The following TMEM132D variants were observed in gnomAD, a reference collection of about 807,000 sequenced individuals.
TMEM132D encodes transmembrane protein 132D.
TMEM132D carries 21 observed loss-of-function variants against 62.3 expected under a neutral mutation model. That is an observed-to-expected ratio of 0.34 (90% CI 0.24 to 0.49). The LOEUF (loss-of-function observed/expected upper bound fraction) is 0.49. Ranked by LOEUF, TMEM132D falls within the 20% of genes least tolerant of loss-of-function variation. The pLI is 0.99. For synonymous variants in TMEM132D, 621 were observed against 575.6 expected, an observed-to-expected ratio of 1.08 and a Z score of -1.13; for missense variants, 1,346 against 1,402.8, an observed-to-expected ratio of 0.96 and a Z score of 0.65.
chr12:129,775,175 C>T (rs1024992868), intron 1 of TMEM132D, among the ~76,000 whole-genome samples: 25 of 152,204 alleles, frequency 1.6e-4, no homozygotes, highest in Admixed American at 6.5e-5. Flanking sequence ...GCTGTTCAAT[C>T]ATTAAAAGTG....
chr12:129,710,828 T>A (rs1191190312), intron 1 of TMEM132D, among the ~76,000 whole-genome samples: 31 of 152,138 alleles, frequency 2.0e-4, no homozygotes, highest in Admixed American at 2.0e-3. Context: ...CTCCTCTCAA[T>A]GTCAGTGTGT....
At chr12:129,444,297 A>T (rs1454924915) in intron 3 of TMEM132D, among the ~76,000 whole-genome samples, 1 of 152,210 alleles carries the variant, frequency 6.6e-6, no homozygotes, top group Non-Finnish European at 1.5e-5. Context: ...GCACAACAAA[A>T]GAAACTACCA....
chr12:129,682,248 C>A (rs1396012028), intron 2 of TMEM132D, among the ~76,000 whole-genome samples: 1 of 152,156 alleles, frequency 6.6e-6, no homozygotes, highest in East Asian at 1.9e-4. Flanking sequence ...TGGAATTGAT[C>A]ATGTACTGAA....
intron 1 of TMEM132D, among the ~76,000 whole-genome samples, chr12:129,817,883 G>A (rs1872404274): frequency 6.8e-6 from 1 of 146,664 alleles, no homozygotes; most frequent in Non-Finnish European, 1.5e-5. Context: ...TGTGTGTGTG[G>A]TGTGGGGGTT....
At chr12:129,654,048 T>C (rs992735707) in intron 2 of TMEM132D, among the ~76,000 whole-genome samples, 2 of 152,208 alleles carry the variant, frequency 1.3e-5, no homozygotes, top group Non-Finnish European at 2.9e-5. Context: ...TCAGTTACTT[T>C]GTAGAATGTC....
chr12:129,653,263 A>T (rs968317983), intron 2 of TMEM132D, among the ~76,000 whole-genome samples: 1 of 152,172 alleles, frequency 6.6e-6, no homozygotes, highest in Non-Finnish European at 1.5e-5. Flanking sequence ...TCTGAGAGGC[A>T]GGCAGAGATC....
intron 4 of TMEM132D, among the ~76,000 whole-genome samples, chr12:129,256,059 T>G (rs988594096): frequency 2.0e-5 from 3 of 152,160 alleles, no homozygotes; most frequent in African/African-American, 7.2e-5. Flanking sequence ...ACAAAACATG[T>G]CAGGGGCTTG....
At chr12:129,452,024 G>C (rs11614267) in intron 3 of TMEM132D, among the ~76,000 whole-genome samples, 9,372 of 152,238 alleles carry the variant, frequency 0.062, 346 homozygotes, top group Non-Finnish European at 0.093. Flanking sequence ...TCTTGAATCT[G>C]GGTTCCTGGA....
chr12:129,747,649 CCAGA>C (rs1046884148), intron 1 of TMEM132D, among the ~76,000 whole-genome samples: 3 of 149,922 alleles, frequency 2.0e-5, no homozygotes, highest in East Asian at 2.0e-4. Flanking sequence ...GATACATACA[CCAGA>C]CACAGACACA....
chr12:129,445,078 C>A (rs1873057156), intron 3 of TMEM132D, among the ~76,000 whole-genome samples: 1 of 152,094 alleles, frequency 6.6e-6, no homozygotes, highest in Non-Finnish European at 1.5e-5. Context: ...ATGGAATCAA[C>A]CTAAATATCC....
intron 5 of TMEM132D, among the ~76,000 whole-genome samples, chr12:129,127,499 G>A (rs762871754): frequency 3.9e-5 from 6 of 151,980 alleles, no homozygotes; most frequent in Non-Finnish European, 8.8e-5. Flanking sequence ...ATATATGAAC[G>A]AAAGCAAACA....
At chr12:129,665,497 C>T (rs1313660597) in intron 2 of TMEM132D, among the ~76,000 whole-genome samples, 1 of 151,738 alleles carries the variant, frequency 6.6e-6, no homozygotes, top group Admixed American at 6.6e-5. Flanking sequence ...AAGCAGAGGG[C>T]TTCTAGGCTT....
intron 5 of TMEM132D, among the ~76,000 whole-genome samples, chr12:129,115,117 C>T (rs888922241): frequency 1.4e-4 from 22 of 152,220 alleles, no homozygotes; most frequent in Non-Finnish European, 1.0e-4. Flanking sequence ...GCAAAAGTGC[C>T]CAGAGCATTC....
intron 1 of TMEM132D, among the ~76,000 whole-genome samples, chr12:129,730,772 G>T (rs1565965227): frequency 6.6e-6 from 1 of 151,958 alleles, no homozygotes; most frequent in Admixed American, 6.5e-5. Context: ...AGACTAGACT[G>T]GCTGAGTCTC....
chr12:129,263,749 C>T (rs1255952006), intron 4 of TMEM132D, among the ~76,000 whole-genome samples: 1 of 151,802 alleles, frequency 6.6e-6, no homozygotes, highest in Non-Finnish European at 1.5e-5. Context: ...AATATACATC[C>T]CAAAGTAGAG....
chr12:129,689,673 A>G (rs890377307), intron 2 of TMEM132D, among the ~76,000 whole-genome samples: 5 of 152,178 alleles, frequency 3.3e-5, no homozygotes, highest in Non-Finnish European at 7.3e-5. Flanking sequence ...GTTGGGATCA[A>G]TACTGTCCTA....
chr12:129,492,980 C>A (rs372980095), intron 3 of TMEM132D, among the ~76,000 whole-genome samples: 32 of 152,192 alleles, frequency 2.1e-4, no homozygotes, highest in African/African-American at 6.5e-4. Context: ...AGTCACCCCG[C>A]GGAACCTCCT....
At chr12:129,324,273 G>A (rs1383723016) in intron 4 of TMEM132D, among the ~76,000 whole-genome samples, 4 of 152,196 alleles carry the variant, frequency 2.6e-5, no homozygotes, top group Non-Finnish European at 4.4e-5. Context: ...CTGACTGTTC[G>A]CATAACCAAG....
rs115237185 is a variant in TMEM132D, at chr12:129,544,138, T to C, written c.969-12933A>G. 2.0e-3 allele frequency among the ~76,000 whole-genome samples: 306 copies of C among 152,372 alleles called. 3 individuals carry two copies. Among genetic ancestry groups the C allele is most frequent in the African/African-American group, 7.1e-3 (296 of 41,592 alleles). On this transcript the variant is annotated intron_variant, in intron 2 of 8. Transcript: ENST00000422113. ...AAGTCCTTGTTTTCTTTCTTTTTGA[T>C]CTTTGCAATTCTGATGAACACAGTA...
Sources: allele counts gnomAD v4.1 joint callset (sites outside exome capture counted in the v4.1 genomes callset), GRCh38; gene constraint gnomAD v4.1.1; transcripts MANE v1.5; gene names NCBI Gene and HGNC (gene_info 2026-07-23, HGNC 2026-07-21).